Variants in MON2 observed in about 807,000 individuals in gnomAD.
MON2 encodes the protein protein MON2 homolog.
In MON2, 84 loss-of-function variants were observed where a neutral mutation model predicts 208.6. The ratio of observed to expected loss-of-function variants is 0.40; its 90% CI spans 0.34 to 0.48. MON2 has a LOEUF of 0.48. MON2 is among the 20% of genes least tolerant of loss of function. The pLI, the probability that MON2 is intolerant of heterozygous loss-of-function variation, is 0.59. For synonymous variants in MON2, 660 were observed against 694.0 expected, an observed-to-expected ratio of 0.95 and a Z score of 0.77; for missense variants, 1,611 against 2,015.4, an observed-to-expected ratio of 0.80 and a Z score of 3.84.
intron 34 of MON2, among the ~76,000 whole-genome samples, chr12:62,590,718 T>C (rs1249862068): frequency 6.6e-6 from 1 of 152,218 alleles, no homozygotes; most frequent in African/African-American, 2.4e-5. Flanking sequence ...TCTTGTTCTG[T>C]TGCCCAGGCT....
intron 23 of MON2, among the ~76,000 whole-genome samples, chr12:62,552,158 A>G (rs2073775130): frequency 6.6e-6 from 1 of 152,178 alleles, no homozygotes; most frequent in Non-Finnish European, 1.5e-5. Context: ...CATTTTATAT[A>G]ACAGACTTGA....
Position 62,561,047 on chromosome 12 carries a change from T to C in MON2, c.3966T>C (p.Ser1322=). 1 of 1,613,292 alleles carries C rather than the reference T, an allele frequency of 6.2e-7. No individual in the cohort carries two copies. The highest frequency in any genetic ancestry group is 8.5e-7 in the Non-Finnish European group (1 of 1,179,362). ...ATGCATCCCCTTTTATTCTTCCATC[T>C]TATACCGAAGCAGTTTTGACAAGTT... ...SSDASPFILP[S]YTEAVLTSLQ... The change falls in exon 26 of 35, where the codon TCT becomes TCC. Residue 1322 remains serine (S), a synonymous_variant. Coordinates refer to ENST00000393630, the MANE Select transcript of MON2 (RefSeq NM_015026.3).
At chr12:62,583,801 A>T (rs1057393778) in intron 32 of MON2, among the ~76,000 whole-genome samples, 3 of 150,902 alleles carry the variant, frequency 2.0e-5, no homozygotes, top group African/African-American at 7.3e-5. Context: ...AAAAAAAAAA[A>T]ATACAAAAAT....
At position 62,579,378 on chromosome 12, in the gene MON2, T is replaced by G. The variant is rs371004281; in HGVS notation, c.4575+873T>G. On this transcript the variant is annotated intron_variant, in intron 31 of 34. Coordinates refer to ENST00000393630, the MANE Select transcript of MON2 (RefSeq NM_015026.3). ...GTAGGGTTTTGGTGGTTTTTTTCCT[T>G]TAAGTGGGATAGAGGAACTTTTAAG... Among the ~76,000 whole-genome samples the G allele has an allele frequency of 2.6e-5, 4 of 152,048 alleles. No homozygotes were observed. The East Asian group carries it at 7.7e-4, about 29-fold the overall frequency.
Position 62,592,802 on chromosome 12 carries a change from T to TA in MON2, c.*55dup. 2.0e-6 allele frequency: 3 copies of TA among 1,472,970 alleles called. No homozygotes were observed. The highest frequency in any genetic ancestry group is 2.8e-6 in the Non-Finnish European group (3 of 1,085,106). The allele number at this position is 1,472,970 out of a possible 1,614,324, so 91.2% of individuals were successfully genotyped here. ...AGATAGTCTAAAAAATGTTTGCTCCTAATTGAGTCTTCTGTGAGAAGGACA... is the reference window on the plus strand; with the variant it reads ...AGATAGTCTAAAAAATGTTTGCTCCTAAATTGAGTCTTCTGTGAGAAGGACA... On this transcript the variant is annotated 3_prime_UTR_variant, in exon 35 of 35. Coordinates refer to ENST00000393630, the MANE Select transcript of MON2 (RefSeq NM_015026.3).
chr12:62,507,660 C>T (rs1300047394), intron 7 of MON2, among the ~76,000 whole-genome samples: 2 of 151,748 alleles, frequency 1.3e-5, no homozygotes, highest in Non-Finnish European at 2.9e-5. Context: ...TACCAGTGTC[C>T]AGCTAAAATT....
chr12:62,555,607 C>G (rs1049022471), intron 24 of MON2, among the ~76,000 whole-genome samples: 1 of 152,032 alleles, frequency 6.6e-6, no homozygotes, highest in African/African-American at 2.4e-5. Flanking sequence ...GTCAGAAGTT[C>G]GAGACCAGCC....
rs2068554673 is a variant in MON2 at position 62,467,154 on chromosome 12, C to G, written c.-54C>G. On this transcript the variant is annotated 5_prime_UTR_variant, in exon 1 of 35. Transcript: ENST00000393630. Reference sequence around the variant, plus strand: ...GCTGCCTGTGGCCCTAAGGAGCTGACCGTGCCAGAGCTTGTTTGTACCTCT... The same window carrying G: ...GCTGCCTGTGGCCCTAAGGAGCTGAGCGTGCCAGAGCTTGTTTGTACCTCT... 1 of 1,491,900 alleles carries G rather than the reference C, an allele frequency of 6.7e-7. No homozygotes were observed. The highest frequency in any genetic ancestry group is 1.1e-5 in the South Asian group (1 of 87,574). The allele number at this position is 1,491,900 out of a possible 1,614,324, so 92.4% of individuals were successfully genotyped here.
chr12:62,556,524 C>A (rs569625998), intron 25 of MON2, among the ~76,000 whole-genome samples: 2 of 152,256 alleles, frequency 1.3e-5, no homozygotes, highest in East Asian at 3.9e-4. Context: ...TCCAGATGGA[C>A]TTTCCTGAGA....
chr12:62,504,245 CT>C (rs71450586), intron 7 of MON2, among the ~76,000 whole-genome samples: 36,079 of 117,920 alleles, frequency 0.31, 3,914 homozygotes, highest in African/African-American at 0.32. Context: ...CTTTTCTTTT[CT>C]TTTTTTTTTT....
At chr12:62,493,822 T>G in intron 2 of MON2, 93 bp from the exon 3 acceptor site, 1 of 960,996 alleles carries the variant, frequency 1.0e-6, no homozygotes, top group Non-Finnish European at 1.4e-6. Context: ...GGATTTTTTT[T>G]GAGATCGCTA....
At chr12:62,587,629 G>A (rs928125686) in intron 33 of MON2, among the ~76,000 whole-genome samples, 13 of 151,714 alleles carry the variant, frequency 8.6e-5, no homozygotes, top group African/African-American at 2.9e-4. Flanking sequence ...TGTAGTCCCA[G>A]CTACTCGGGA....
intron 29 of MON2, among the ~76,000 whole-genome samples, chr12:62,568,469 G>T (rs146805677): frequency 6.6e-6 from 1 of 152,072 alleles, no homozygotes; most frequent in South Asian, 2.1e-4. Context: ...CTCCCAAGTC[G>T]CTGGGACTAC....
Position 62,556,570 on chromosome 12 carries a change from G to A in MON2, c.3409+378G>A, listed in dbSNP as rs184242281. Among the ~76,000 whole-genome samples the A allele has an allele frequency of 3.7e-4, 56 of 152,264 alleles. 1 individual carries two copies. Among genetic ancestry groups the A allele is most frequent in the Non-Finnish European group, 1.9e-4 (13 of 68,008 alleles). On this transcript the variant is annotated intron_variant, in intron 25 of 34. Transcript: ENST00000393630. ...TTTCCTGAGATCTGTAGGGTAAGTA[G>A]GAGTTCATCAGGCAAGAGTAAGACG...
intron 30 of MON2, among the ~76,000 whole-genome samples, chr12:62,574,523 T>C (rs1290478851): frequency 2.0e-5 from 3 of 152,108 alleles, no homozygotes; most frequent in South Asian, 2.1e-4. Flanking sequence ...ACTATAGGCA[T>C]GCACCACCAC....
chr12:62,545,634 G>A (rs2073450255), intron 21 of MON2: 1 of 152,026 alleles, frequency 6.6e-6, no homozygotes, highest in Non-Finnish European at 1.5e-5. Context: ...CGGGGGCTGT[G>A]CTCATCTCTG....
intron 31 of MON2, 32 bp from the exon 32 acceptor site, chr12:62,580,262 AAAC>A (rs2074954958): frequency 6.3e-7 from 1 of 1,590,962 alleles, no homozygotes; most frequent in Non-Finnish European, 8.6e-7. Context: ...CTTTCAAAGA[AAAC>A]AATACATTTG....
In MON2 at chr12:62,505,485, C is replaced by G. The variant is rs957998862; in HGVS notation, c.790-2801C>G. Among the ~76,000 whole-genome samples, 8 of 152,204 alleles carry G rather than the reference C, an allele frequency of 5.3e-5. No individual in the cohort carries two copies. In the South Asian group the frequency reaches 1.7e-3, roughly 32 times the overall value. Reference sequence around the variant, plus strand: ...GAGCATATACAAGAGACTGAGAACACAAGGCCAGAAGGCAGGAACAAATCT... The same window carrying G: ...GAGCATATACAAGAGACTGAGAACAGAAGGCCAGAAGGCAGGAACAAATCT... On this transcript the variant is annotated intron_variant, in intron 7 of 34. Coordinates refer to ENST00000393630, the MANE Select transcript of MON2 (RefSeq NM_015026.3).
intron 20 of MON2, among the ~76,000 whole-genome samples, chr12:62,543,800 G>T (rs1299704293): frequency 2.6e-5 from 4 of 152,100 alleles, no homozygotes; most frequent in Admixed American, 6.5e-5. Context: ...TAGAGACGGG[G>T]TTTAACCATA....
Sources: gnomAD v4.1 joint callset for allele counts (sites outside exome capture counted in the v4.1 genomes callset) on GRCh38, gnomAD v4.1.1 for gene constraint, MANE v1.5 for transcripts, NCBI Gene and HGNC (gene_info 2026-07-23, HGNC 2026-07-21) for gene names.